The following PCM1 variants were observed in gnomAD, a reference collection of about 807,000 sequenced individuals.
The protein encoded by PCM1 is pericentriolar material 1 protein.
PCM1 carries 157 observed loss-of-function variants against 241.9 expected under a neutral mutation model. The observed-to-expected ratio is 0.65, with a 90% CI of 0.57 to 0.74. The LOEUF (loss-of-function observed/expected upper bound fraction) is 0.74. Ranked by LOEUF, PCM1 falls within the 30% of genes least tolerant of loss-of-function variation. PCM1 has a pLI of 0.00. For synonymous variants in PCM1, 1,085 were observed against 784.9 expected (o/e 1.38, Z -6.39); for missense variants, 3,478 against 2,360.1 (o/e 1.47, Z -9.81).
At chr8:17,989,494 C>T (rs1331129545) in intron 26 of PCM1, among the ~76,000 whole-genome samples, 1 of 151,948 alleles carries the variant, frequency 6.6e-6, no homozygotes. Context: ...TGTGAGACAA[C>T]CAGGTAGAGT....
In PCM1 at chr8:18,014,703, A is replaced by G. The variant is rs2092952455; in HGVS notation, c.5704A>G (p.Asn1902Asp). Residue 1902 changes from asparagine to aspartate, a missense_variant, in exon 36 of 39, where the codon AAC becomes GAC. Physicochemically the swap from Asn to Asp is conservative, Grantham distance 23 (BLOSUM62 1). Transcript: ENST00000325083. Reference protein sequence around the residue: ...PPTVDSTQQPNPLPLRLPEME... With the variant: ...PPTVDSTQQPDPLPLRLPEME... ...TACTGTTGATTCAACTCAACAGCCT[A>G]ACCCTTTGCCGTTACGTTTACCTGA... is the stretch of plus-strand genomic sequence containing the variant. 14 of 1,613,470 alleles carry G rather than the reference A, an allele frequency of 8.7e-6. No individual in the cohort carries two copies. Among genetic ancestry groups the G allele is most frequent in the Non-Finnish European group, 1.2e-5 (14 of 1,179,836 alleles).
chr8:17,988,824 A>G (rs1489960524), intron 26 of PCM1, among the ~76,000 whole-genome samples: 1 of 151,984 alleles, frequency 6.6e-6, no homozygotes, highest in Non-Finnish European at 1.5e-5. Flanking sequence ...AGTGTTGGTG[A>G]GAATGTGGAA....
At chr8:17,953,881 T>C (rs948106109) in intron 9 of PCM1, among the ~76,000 whole-genome samples, 1 of 152,176 alleles carries the variant, frequency 6.6e-6, no homozygotes, top group Non-Finnish European at 1.5e-5. Context: ...TAGGGACAAC[T>C]TCCAACTAGT....
intron 8 of PCM1, among the ~76,000 whole-genome samples, chr8:17,952,252 TAAAA>T (rs869261114): frequency 3.9e-5 from 5 of 128,348 alleles, no homozygotes; most frequent in African/African-American, 1.3e-4. Flanking sequence ...AATAAATAAA[TAAAA>T]AATAAAGGAA....
At chr8:17,972,227 T>G in intron 22 of PCM1, 102 bp from the exon 23 acceptor site, 1 of 543,222 alleles carries the variant, frequency 1.8e-6, no homozygotes, top group South Asian at 5.1e-5. Context: ...TGTTGACAAT[T>G]TTATTCACCT....
chr8:18,018,505 A>T (rs2093434762), intron 36 of PCM1, among the ~76,000 whole-genome samples: 1 of 152,220 alleles, frequency 6.6e-6, no homozygotes. Flanking sequence ...AATTCCTTGT[A>T]CTTGTCTCTA....
chr8:17,973,452 C>T (rs1466689284), intron 23 of PCM1, among the ~76,000 whole-genome samples: 2 of 152,158 alleles, frequency 1.3e-5, no homozygotes, highest in African/African-American at 4.8e-5. Context: ...GTTGCGGTGG[C>T]TCATGCCTGT....
chr8:18,013,413 G>C (rs1030884026), intron 34 of PCM1, among the ~76,000 whole-genome samples: 2 of 152,138 alleles, frequency 1.3e-5, no homozygotes, highest in Non-Finnish European at 2.9e-5. Context: ...GGGCTCACTA[G>C]TTTAATTTCT....
intron 23 of PCM1, among the ~76,000 whole-genome samples, chr8:17,977,031 T>C (rs2079015619): frequency 6.6e-6 from 1 of 152,238 alleles, no homozygotes. Flanking sequence ...ATTTTAATTT[T>C]GATTAAAATT....
In PCM1 at chr8:17,947,208, C is replaced by T; in HGVS notation, c.806C>T (p.Pro269Leu). The T allele has an allele frequency of 6.2e-7, 1 of 1,607,552 alleles. No homozygotes were observed. Among genetic ancestry groups the T allele is most frequent in the Non-Finnish European group, 8.5e-7 (1 of 1,175,534 alleles). ...KILARDPQQE[P>L]MEEIENLKKQ... is the part of the protein sequence containing the mutation. Reference sequence around the variant, plus strand: ...CAGGCCAGAGATCCTCAGCAGGAGCCTATGGAAGAGATAGAAAATTTGAAG... The same window carrying T: ...CAGGCCAGAGATCCTCAGCAGGAGCTTATGGAAGAGATAGAAAATTTGAAG... Residue 269 changes from proline (P) to leucine (L), a missense_variant, in exon 7 of 39, where the codon CCT (proline) becomes CTT (leucine). By Grantham distance (98) the Pro-to-Leu change is moderately conservative. Transcript: ENST00000325083.
intron 6 of PCM1, among the ~76,000 whole-genome samples, chr8:17,942,748 C>T (rs930100255): frequency 2.6e-5 from 4 of 152,100 alleles, no homozygotes; most frequent in African/African-American, 4.8e-5. Flanking sequence ...GTAATCCCAG[C>T]ACTTTGGGAG....
chr8:17,963,054 C>T lies in PCM1; in HGVS notation c.2464-47C>T, dbSNP rs374880833. 1.2e-4 allele frequency: 168 copies of T among 1,432,390 alleles called. 1 individual carries two copies. Among genetic ancestry groups the T allele is most frequent in the Non-Finnish European group, 1.5e-4 (157 of 1,041,346 alleles). 88.7% of individuals were successfully genotyped at this position (1,432,390 alleles called of 1,614,324 possible). ...AGTAGTCTTTTACTCTTTTAGGCTA[C>T]AGCAAATCCAAATATTTATTTAACT... On this transcript the variant is annotated intron_variant, in intron 16 of 38. Transcript: ENST00000325083.
rs760679185 is a variant in PCM1 at position 17,960,033 on chromosome 8, G to A, written c.2060G>A (p.Gly687Glu). Residue 687 changes from glycine to glutamate, a missense_variant, in exon 14 of 39, where the codon GGA becomes GAA. Coordinates refer to ENST00000325083, the MANE Select transcript of PCM1 (RefSeq NM_006197.4). ...AMVQDDDAAQ[G>E]VISASASNLD... ...TTTCAGGATGATGATGCAGCTCAAG[G>A]AGTTATCTCTGCCAGTGCATCAAAT... is the stretch of plus-strand genomic sequence containing the variant. 6.2e-7 allele frequency: 1 copy of A among 1,612,792 alleles called. No individual in the cohort carries two copies. The highest frequency in any genetic ancestry group is 1.1e-5 in the South Asian group (1 of 90,762).
In PCM1 at chr8:18,004,647, T is replaced by C. The variant is rs150916941; in HGVS notation, c.4828-1616T>C. On this transcript the variant is annotated intron_variant, in intron 29 of 38. Coordinates refer to ENST00000325083, the MANE Select transcript of PCM1 (RefSeq NM_006197.4). The stretch of plus-strand genomic sequence containing the variant: ...CAGATCTTGACTTTTTTTGTAGGAC[T>C]GTAGAACTTCTTTGTTAATTATGCC... Among the ~76,000 whole-genome samples the C allele has an allele frequency of 1.9e-3, 282 of 152,338 alleles. 3 individuals are homozygous for C. Among genetic ancestry groups the C allele is most frequent in the African/African-American group, 6.5e-3 (269 of 41,584 alleles).
intron 20 of PCM1, 86 bp from the exon 21 acceptor site, chr8:17,966,894 A>AT: frequency 1.5e-5 from 19 of 1,268,738 alleles, no homozygotes; most frequent in South Asian, 1.3e-4. Flanking sequence ...CTTTTGAATC[A>AT]TTTTTTTACA....
intron 23 of PCM1, among the ~76,000 whole-genome samples, chr8:17,978,829 G>A (rs2079656225): frequency 6.6e-6 from 1 of 152,162 alleles, no homozygotes; most frequent in Non-Finnish European, 1.5e-5. Context: ...ATCTGCCATT[G>A]TATCAAAAGA....
chr8:17,993,702 T>G (rs2085591442), intron 29 of PCM1, 83 bp downstream of exon 29: 2 of 1,191,244 alleles, frequency 1.7e-6, no homozygotes, highest in Admixed American at 2.7e-5. Context: ...GTGATAAAGT[T>G]CAACGGTATA....
In PCM1 at chr8:18,006,358, T is replaced by C; in HGVS notation, c.4923T>C (p.Phe1641=). The C allele has an allele frequency of 1.2e-6, 2 of 1,613,120 alleles. No individual in the cohort carries two copies. Among genetic ancestry groups the C allele is most frequent in the Non-Finnish European group, 1.7e-6 (2 of 1,179,184 alleles). Residue 1641 remains phenylalanine, a synonymous_variant, in exon 30 of 39, where the codon TTT becomes TTC. Transcript: ENST00000325083. ...AGCAAAATGATGAGAGCAAAGAGTTTGTAAAGTTCTTTCATAAACAACTTG... is the reference window on the plus strand; with the variant it reads ...AGCAAAATGATGAGAGCAAAGAGTTCGTAAAGTTCTTTCATAAACAACTTG... ...LTQQNDESKE[F]VKFFHKQLGS...
At chr8:17,975,175 T>C (rs1373688493) in intron 23 of PCM1, among the ~76,000 whole-genome samples, 1 of 152,134 alleles carries the variant, frequency 6.6e-6, no homozygotes. Context: ...GTTTATGTGG[T>C]TTTTGTTCCT....
Sources: allele counts gnomAD v4.1 joint callset (sites outside exome capture counted in the v4.1 genomes callset), GRCh38; gene constraint gnomAD v4.1.1; transcripts MANE v1.5; gene names NCBI Gene and HGNC (gene_info 2026-07-23, HGNC 2026-07-21).